LSAMP: variants seen among roughly 807,000 people sequenced by gnomAD.
The protein encoded by LSAMP is limbic system-associated membrane protein.
Under a neutral mutation model 38.6 loss-of-function variants are expected in LSAMP, and 7 were observed. That is an observed-to-expected ratio of 0.18 (90% confidence interval 0.10 to 0.34). The LOEUF (loss-of-function observed/expected upper bound fraction) is 0.34. Ranked by LOEUF, LSAMP falls within the 10% of genes least tolerant of loss-of-function variation. The probability of loss-of-function intolerance (pLI) is 1.00; values close to 1 mark genes in which losing one functional copy is unlikely to be tolerated. For missense variants in LSAMP, 313 were observed against 420.0 expected (o/e 0.75, Z 2.23); for synonymous variants, 154 against 166.8 (o/e 0.92, Z 0.59).
At chr3:116,427,349 T>C (rs1005805806) in intron 1 of LSAMP, among the ~76,000 whole-genome samples, 14 of 151,684 alleles carry the variant, frequency 9.2e-5, no homozygotes, top group Non-Finnish European at 1.9e-4. Flanking sequence ...CTCGATCTCC[T>C]GACCTCATGA....
At chr3:115,866,025 G>A (rs767423306) in intron 3 of LSAMP, among the ~76,000 whole-genome samples, 1 of 152,110 alleles carries the variant, frequency 6.6e-6, no homozygotes, top group African/African-American at 2.4e-5. Context: ...ACATCTTCTA[G>A]TTTATCTATA....
intron 1 of LSAMP, among the ~76,000 whole-genome samples, chr3:116,316,751 A>G (rs1458036074): frequency 7.1e-6 from 1 of 140,422 alleles, no homozygotes; most frequent in African/African-American, 2.6e-5. Context: ...AGCCTGGGTG[A>G]GAGGGCAAGA....
intron 3 of LSAMP, among the ~76,000 whole-genome samples, chr3:115,996,440 A>T (rs1406653957): frequency 6.6e-6 from 1 of 152,132 alleles, no homozygotes; most frequent in Admixed American, 6.6e-5. Flanking sequence ...AAGAATTTCA[A>T]AATCATTGCT....
At chr3:116,207,529 G>T (rs1240409495) in intron 1 of LSAMP, among the ~76,000 whole-genome samples, 3 of 151,476 alleles carry the variant, frequency 2.0e-5, no homozygotes, top group Non-Finnish European at 2.9e-5. Flanking sequence ...GCATGATTTT[G>T]CAGCGGCTGG....
chr3:116,086,525 C>T lies in LSAMP; in HGVS notation c.187G>A (p.Ala63Thr). The T allele has an allele frequency of 6.2e-7, 1 of 1,614,138 alleles. No homozygotes were observed. Among genetic ancestry groups the T allele is most frequent in the Non-Finnish European group, 8.5e-7 (1 of 1,180,000 alleles). ...CVVEDKNSKV[A>T]WLNRSGIIFA... The stretch of plus-strand genomic sequence containing the variant: ...ATGATGCCAGAACGGTTCAACCAGG[C>T]CACCTTTGAGTTCTTGTCTTCTACA... Residue 63 changes from alanine (A) to threonine (T), a missense_variant, in exon 2 of 7, where the codon GCC becomes ACC. By Grantham distance (58) the Ala-to-Thr change is moderately conservative. Coordinates refer to ENST00000490035, the MANE Select transcript of LSAMP (RefSeq NM_002338.5).
At chr3:116,253,639 T>C (rs2046714364) in intron 1 of LSAMP, among the ~76,000 whole-genome samples, 1 of 152,214 alleles carries the variant, frequency 6.6e-6, no homozygotes, top group Non-Finnish European at 1.5e-5. Context: ...TGGAGCTTCC[T>C]TTTCTAGGCA....
intron 3 of LSAMP, among the ~76,000 whole-genome samples, chr3:115,861,988 G>A (rs992149014): frequency 1.3e-5 from 2 of 152,132 alleles, no homozygotes; most frequent in African/African-American, 4.8e-5. Context: ...GAAAACAAAG[G>A]ATTGAAAAAG....
At chr3:115,823,126 G>T (rs1042369744) in intron 6 of LSAMP, among the ~76,000 whole-genome samples, 19 of 152,150 alleles carry the variant, frequency 1.2e-4, no homozygotes, top group Non-Finnish European at 1.9e-4. Flanking sequence ...GGATTAAAAA[G>T]AACACATCTA....
intron 1 of LSAMP, among the ~76,000 whole-genome samples, chr3:116,313,324 T>A (rs1230275259): frequency 6.6e-6 from 1 of 152,218 alleles, no homozygotes; most frequent in Admixed American, 6.5e-5. Context: ...GCTGCCTGGA[T>A]AATTACATGT....
In LSAMP at chr3:115,906,870, C is replaced by T. The variant is rs146498139; in HGVS notation, c.515-54253G>A. ...TTAGAGGCAGCTAATTATATCTTTG[C>T]TAGCTTAATTTCAGAGAATGAGAAG... On this transcript the variant is annotated intron_variant, in intron 3 of 6. Coordinates refer to ENST00000490035, the MANE Select transcript of LSAMP (RefSeq NM_002338.5). Among the ~76,000 whole-genome samples, 1,277 of 152,194 alleles carry T rather than the reference C, an allele frequency of 8.4e-3. 15 individuals carry two copies. Among genetic ancestry groups the T allele is most frequent in the African/African-American group, 0.029 (1,191 of 41,528 alleles).
At chr3:116,316,949 T>C (rs2047637405) in intron 1 of LSAMP, among the ~76,000 whole-genome samples, 1 of 152,106 alleles carries the variant, frequency 6.6e-6, no homozygotes, top group East Asian at 1.9e-4. Flanking sequence ...TCAACAGTAC[T>C]GTTCCAGTGA....
chr3:115,850,438 A>G (rs1000295650), intron 4 of LSAMP, among the ~76,000 whole-genome samples: 3 of 152,336 alleles, frequency 2.0e-5, no homozygotes, highest in South Asian at 2.1e-4. Flanking sequence ...ATGGAAGATG[A>G]TGGCATGGTT....
intron 3 of LSAMP, among the ~76,000 whole-genome samples, chr3:115,860,198 A>G (rs1460953255): frequency 2.0e-5 from 3 of 152,230 alleles, no homozygotes; most frequent in Non-Finnish European, 4.4e-5. Context: ...CAGATATATT[A>G]TCTTATTTAA....
chr3:116,415,338 T>C (rs932952094), intron 1 of LSAMP, among the ~76,000 whole-genome samples: 7 of 152,030 alleles, frequency 4.6e-5, no homozygotes, highest in Non-Finnish European at 1.0e-4. Context: ...CCGGACAAGG[T>C]AAAGGTAAGT....
chr3:116,225,587 G>A (rs2046333582), intron 1 of LSAMP, among the ~76,000 whole-genome samples: 1 of 152,122 alleles, frequency 6.6e-6, no homozygotes, highest in Non-Finnish European at 1.5e-5. Context: ...ATGGTATTGA[G>A]GCTATGTAGA....
chr3:115,854,282 A>ATTATTATTT (rs1366839788), intron 3 of LSAMP, among the ~76,000 whole-genome samples: 54 of 107,026 alleles, frequency 5.0e-4, no homozygotes, highest in African/African-American at 1.9e-3. Flanking sequence ...TATTATTATT[A>ATTATTATTT]TTTTTTTTTT....
At chr3:116,353,968 T>C (rs1338837385) in intron 1 of LSAMP, among the ~76,000 whole-genome samples, 1 of 152,156 alleles carries the variant, frequency 6.6e-6, no homozygotes, top group African/African-American at 2.4e-5. Flanking sequence ...AAAAATTTTA[T>C]TCTGAACTTG....
chr3:116,085,461 A>G (rs1707968223), intron 2 of LSAMP, among the ~76,000 whole-genome samples: 1 of 152,240 alleles, frequency 6.6e-6, no homozygotes, highest in Admixed American at 6.5e-5. Flanking sequence ...CCTAATTTGC[A>G]TTAAATTTAC....
rs185424019 is a variant in LSAMP at position 116,439,784 on chromosome 3, G to T, written c.155+5093C>A. Among the ~76,000 whole-genome samples, 459 of 152,320 alleles carry T rather than the reference G, an allele frequency of 3.0e-3. 4 individuals are homozygous for T. The highest frequency in any genetic ancestry group is 0.017 in the Admixed American group (259 of 15,304). On this transcript the variant is annotated intron_variant, in intron 1 of 6. Coordinates refer to ENST00000490035, the MANE Select transcript of LSAMP (RefSeq NM_002338.5). The stretch of plus-strand genomic sequence containing the variant: ...TGTCGCCAGGCTGGAGCGCAGTGGC[G>T]CGATCTTGGCTCACTGCAACCTCCG...
Sources: gnomAD v4.1 joint callset for allele counts (sites outside exome capture counted in the v4.1 genomes callset) on GRCh38, gnomAD v4.1.1 for gene constraint, MANE v1.5 for transcripts, NCBI Gene and HGNC (gene_info 2026-07-23, HGNC 2026-07-21) for gene names.